The following NUP62 variants were observed in gnomAD, a reference collection of about 807,000 sequenced individuals.
The protein encoded by NUP62 is nucleoporin 62, also known as nuclear pore glycoprotein p62.
For synonymous variants in NUP62, 305 were observed against 303.4 expected (o/e 1.01, Z -0.05); for missense variants, 647 against 689.4 (o/e 0.94, Z 0.69).
At chr19:49,925,788 A>G (rs1333534639) in intron 2 of NUP62, among the ~76,000 whole-genome samples, 1 of 152,224 alleles carries the variant, frequency 6.6e-6, no homozygotes, top group Non-Finnish European at 1.5e-5. Flanking sequence ...GTTGTGACAA[A>G]TGTGGCAAAG....
chr19:49,912,060 T>C (rs62126292), intron 2 of NUP62, among the ~76,000 whole-genome samples: 2 of 152,148 alleles, frequency 1.3e-5, no homozygotes, highest in African/African-American at 2.4e-5. Flanking sequence ...TAATAAGTTG[T>C]AGCTAAAATT....
At chr19:49,927,013 C>T (rs2075910621) in intron 2 of NUP62, among the ~76,000 whole-genome samples, 2 of 151,988 alleles carry the variant, frequency 1.3e-5, no homozygotes, top group African/African-American at 2.4e-5. Flanking sequence ...GTGCAAACCA[C>T]CACACCCGAC....
chr19:49,908,531 G>A lies in NUP62; in HGVS notation c.1277C>T (p.Ala426Val), dbSNP rs755458660. Reference protein sequence around the residue: ...EQSGTIYLQHADEEREKTYKL... With the variant: ...EQSGTIYLQHVDEEREKTYKL... ...GTAGGTTTTCTCACGCTCCTCATCC[G>A]CGTGCTGCAGGTAGATGGTCCCGCT... The change falls in exon 3 of 3, where the codon GCG becomes GTG. Residue 426 changes from alanine (A) to valine (V), a missense_variant. Coordinates refer to ENST00000352066, the MANE Select transcript of NUP62 (RefSeq NM_016553.5). The A allele has an allele frequency of 6.2e-6, 10 of 1,614,026 alleles. No individual in the cohort carries two copies. The highest frequency in any genetic ancestry group is 2.2e-5 in the South Asian group (2 of 91,092).
intron 2 of NUP62, among the ~76,000 whole-genome samples, chr19:49,914,374 T>G (rs2075564209): frequency 6.6e-6 from 1 of 152,088 alleles, no homozygotes; most frequent in African/African-American, 2.4e-5. Flanking sequence ...CCTGGGCCTG[T>G]GCTCAGGGCT....
intron 2 of NUP62, among the ~76,000 whole-genome samples, chr19:49,913,407 T>C (rs1434049168): frequency 2.0e-5 from 3 of 152,190 alleles, no homozygotes; most frequent in Non-Finnish European, 1.5e-5. Context: ...AGAGAGTCCA[T>C]GTTGACGCTG....
chr19:49,929,469 G>C lies in NUP62; in HGVS notation c.-343C>G, dbSNP rs1377165313. 6.6e-6 allele frequency: 1 copy of C among 152,486 alleles called. No individual in the cohort carries two copies. Among genetic ancestry groups the C allele is most frequent in the African/African-American group, 2.4e-5 (1 of 41,434 alleles). The allele number at this position is 152,486 out of a possible 1,614,324, so 9.4% of individuals were successfully genotyped here. A position where few individuals can be genotyped will look rare whatever the true frequency, so the allele number is the denominator to read the frequency against. Reference sequence around the variant, plus strand: ...TTCGCAGCTCGTGGCCCTCTTTAGGGAGCCCTGGGGGGTGGGGAGTCGCGA... The same window carrying C: ...TTCGCAGCTCGTGGCCCTCTTTAGGCAGCCCTGGGGGGTGGGGAGTCGCGA... On this transcript the variant is annotated 5_prime_UTR_variant, in exon 1 of 3. Coordinates refer to ENST00000352066, the MANE Select transcript of NUP62 (RefSeq NM_016553.5).
chr19:49,909,928 G>A (rs962247850), intron 2 of NUP62, 44 bp from the exon 3 acceptor site: 4 of 1,065,580 alleles, frequency 3.8e-6, no homozygotes, highest in Non-Finnish European at 5.7e-6. Context: ...GTTTTGGAAA[G>A]GCAAGCTCAG....
chr19:49,915,691 G>C (rs2075605611), intron 2 of NUP62, among the ~76,000 whole-genome samples: 1 of 152,228 alleles, frequency 6.6e-6, no homozygotes, highest in Admixed American at 6.5e-5. Flanking sequence ...TGAGAAAGGG[G>C]CTGGGGTCAG....
At chr19:49,914,740 T>G (rs896103508) in intron 2 of NUP62, among the ~76,000 whole-genome samples, 1 of 126,520 alleles carries the variant, frequency 7.9e-6, no homozygotes, top group Non-Finnish European at 1.7e-5. Context: ...TTTTTTTTTT[T>G]TTTTTTTTTT....
At position 49,909,783 on chromosome 19, in the gene NUP62, T is replaced by C. The variant is rs2075416508; in HGVS notation, c.25A>G (p.Thr9Ala). 6.2e-7 allele frequency: 1 copy of C among 1,613,990 alleles called. No individual in the cohort carries two copies. The highest frequency in any genetic ancestry group is 1.3e-5 in the African/African-American group (1 of 74,918). MSGFNFGGTGAPTGGFTFG... is the reference protein window; with the variant it reads MSGFNFGGAGAPTGGFTFG... ...GTGAACCCGCCTGTAGGGGCCCCAG[T>C]GCCTCCAAAATTAAACCCGCTCATG... The change falls in exon 3 of 3, where the codon ACT becomes GCT. Residue 9 changes from threonine to alanine, a missense_variant. Transcript: ENST00000352066.
At chr19:49,915,612 G>A (rs2075603273) in intron 2 of NUP62, among the ~76,000 whole-genome samples, 1 of 152,252 alleles carries the variant, frequency 6.6e-6, no homozygotes, top group Admixed American at 6.5e-5. Flanking sequence ...GGTAGGTTGA[G>A]GGACGATGGA....
chr19:49,928,618 G>A (rs2075972655), intron 1 of NUP62: 1 of 152,158 alleles, frequency 6.6e-6, no homozygotes, highest in Non-Finnish European at 1.5e-5. Context: ...CCCACCAGGC[G>A]AGTTGATTTT....
chr19:49,915,359 T>C (rs1305817264), intron 2 of NUP62, among the ~76,000 whole-genome samples: 1 of 152,092 alleles, frequency 6.6e-6, no homozygotes, highest in African/African-American at 2.4e-5. Context: ...TATGGAAGAA[T>C]GGACTGAGAG....
At position 49,909,226 on chromosome 19, in the gene NUP62, C is replaced by T. The variant is rs146962258; in HGVS notation, c.582G>A (p.Thr194=). The change falls in exon 3 of 3, where the codon ACG becomes ACA. Residue 194 remains threonine, a synonymous_variant. Coordinates refer to ENST00000352066, the MANE Select transcript of NUP62 (RefSeq NM_016553.5). ...TGGCACCTGCTGTGGTGGCTGCTGG[C>T]GTGGCCGGAGTGAAGGGCAACGTGG... is the stretch of plus-strand genomic sequence containing the variant. ...APATLPFTPA[T]PAATTAGATQ... is the part of the protein sequence containing the mutation. 270 of 1,613,812 alleles carry T rather than the reference C, an allele frequency of 1.7e-4. No homozygotes were observed. The African/African-American group carries it at 2.9e-3, about 17-fold the overall frequency.
intron 2 of NUP62, among the ~76,000 whole-genome samples, chr19:49,911,962 G>A (rs1296293432): frequency 1.3e-5 from 2 of 152,190 alleles, no homozygotes; most frequent in Admixed American, 1.3e-4. Context: ...TCAAGCCGGT[G>A]TGTTGTTACT....
At chr19:49,918,005 A>G (rs2075668110) in intron 2 of NUP62, among the ~76,000 whole-genome samples, 1 of 151,600 alleles carries the variant, frequency 6.6e-6, no homozygotes, top group South Asian at 2.1e-4. Context: ...GACTCTGTCT[A>G]AAACAAACAG....
In NUP62 at chr19:49,908,243, T is replaced by A; in HGVS notation, c.1565A>T (p.Asp522Val). ...GGGCCCCAGGGCTGCTGTCGCTCAG[T>A]CAAAGGTGATCCGGAAGCTGCGCTC... ...EQERSFRITF[D>V] Residue 522 changes from aspartate to valine, a missense_variant, in exon 3 of 3, where the codon GAC becomes GTC. By Grantham distance (152) the Asp-to-Val change is radical. Transcript: ENST00000352066. 1.2e-6 allele frequency: 2 copies of A among 1,613,108 alleles called. No homozygotes were observed. Among genetic ancestry groups the A allele is most frequent in the Non-Finnish European group, 1.7e-6 (2 of 1,180,018 alleles).
intron 2 of NUP62, among the ~76,000 whole-genome samples, chr19:49,926,243 T>TAA (rs2075885851): frequency 7.2e-6 from 1 of 139,594 alleles, no homozygotes; most frequent in Non-Finnish European, 1.5e-5. Flanking sequence ...TAGGTCTTGC[T>TAA]TAAGACTGGG....
intron 2 of NUP62, chr19:49,912,888 C>T (rs937930244): frequency 2.0e-5 from 3 of 152,254 alleles, no homozygotes; most frequent in African/African-American, 7.2e-5. Flanking sequence ...AGGAGACCTA[C>T]CATTACTCAC....
Sources: gnomAD v4.1 joint callset for allele counts (sites outside exome capture counted in the v4.1 genomes callset) on GRCh38, gnomAD v4.1.1 for gene constraint, MANE v1.5 for transcripts, NCBI Gene and HGNC (gene_info 2026-07-23, HGNC 2026-07-21) for gene names.